Variants in DNAJC6 observed in about 807,000 individuals in gnomAD.
DNAJC6 encodes auxilin.
In DNAJC6, 34 loss-of-function variants were observed where a neutral mutation model predicts 110.0. That is an observed-to-expected ratio of 0.31 (90% CI 0.24 to 0.41). The LOEUF is 0.41. DNAJC6 is among the 10% of genes least tolerant of loss of function. The pLI is 1.00. For synonymous variants in DNAJC6, 406 were observed against 437.2 expected, an observed-to-expected ratio of 0.93 and a Z score of 0.89; for missense variants, 1,031 against 1,207.8, an observed-to-expected ratio of 0.85 and a Z score of 2.17.
At chr1:65,393,622 A>G (rs990656029) in intron 12 of DNAJC6, among the ~76,000 whole-genome samples, 3 of 152,180 alleles carry the variant, frequency 2.0e-5, no homozygotes, top group African/African-American at 4.8e-5. Context: ...ACCTTCTACT[A>G]TGAGTCATCT....
intron 1 of DNAJC6, among the ~76,000 whole-genome samples, chr1:65,318,905 C>G (rs1645171962): frequency 6.6e-6 from 1 of 152,064 alleles, no homozygotes; most frequent in African/African-American, 2.4e-5. Context: ...TTCCTGGGCC[C>G]CAAGCATGTT....
chr1:65,304,576 C>A (rs185485126), upstream of DNAJC6, among the ~76,000 whole-genome samples: 219 of 152,334 alleles, frequency 1.4e-3, 1 homozygote, highest in Admixed American at 8.1e-3. Flanking sequence ...TGTAATTCCA[C>A]ATCTTCGATT....
chr1:65,337,830 G>A (rs1307992575), intron 1 of DNAJC6, among the ~76,000 whole-genome samples: 1 of 152,110 alleles, frequency 6.6e-6, no homozygotes, highest in African/African-American at 2.4e-5. Flanking sequence ...TGGTATCCTT[G>A]AAGGGCCCTG....
intron 1 of DNAJC6, among the ~76,000 whole-genome samples, chr1:65,347,045 T>A (rs1353826848): frequency 1.3e-5 from 2 of 152,052 alleles, no homozygotes; most frequent in African/African-American, 4.8e-5. Context: ...CAACTAATAA[T>A]TATAATGCAG....
chr1:65,365,591 A>T, intron 2 of DNAJC6, among the ~76,000 whole-genome samples: 1 of 152,156 alleles, frequency 6.6e-6, no homozygotes, highest in Non-Finnish European at 1.5e-5. Flanking sequence ...AGAAGCTAGA[A>T]CAATTGGTGT....
chr1:65,372,930 C>T (rs1645721648), intron 4 of DNAJC6, among the ~76,000 whole-genome samples: 1 of 152,032 alleles, frequency 6.6e-6, no homozygotes, highest in Non-Finnish European at 1.5e-5. Flanking sequence ...AGTTTAATTA[C>T]ATTTATATTA....
chr1:65,289,196 A>G (rs61779316), intron 1 of DNAJC6, among the ~76,000 whole-genome samples: 1 of 151,882 alleles, frequency 6.6e-6, no homozygotes, highest in Non-Finnish European at 1.5e-5. Flanking sequence ...TCAGTCATTT[A>G]AATTTTTTTT....
chr1:65,361,512 C>T (rs573204004), intron 1 of DNAJC6, among the ~76,000 whole-genome samples: 10 of 152,246 alleles, frequency 6.6e-5, no homozygotes, highest in African/African-American at 2.2e-4. Flanking sequence ...ATTGAAAGAA[C>T]AGCCACCTGG....
intron 1 of DNAJC6, among the ~76,000 whole-genome samples, chr1:65,278,527 A>G (rs1302733403): frequency 6.6e-6 from 1 of 152,220 alleles, no homozygotes. Context: ...GGATGCCAGA[A>G]ATAGTCTGTT....
At chr1:65,384,073 G>A (rs1645847620) in intron 5 of DNAJC6, 120 bp from the exon 6 acceptor site, 1 of 1,226,706 alleles carries the variant, frequency 8.2e-7, no homozygotes, top group Non-Finnish European at 1.1e-6. Flanking sequence ...TAAATGAAAA[G>A]CACCCACAGT....
chr1:65,287,218 A>G (rs1203229901), intron 1 of DNAJC6, among the ~76,000 whole-genome samples: 1 of 152,240 alleles, frequency 6.6e-6, no homozygotes, highest in Non-Finnish European at 1.5e-5. Flanking sequence ...GTGGTGGTAT[A>G]TTTGTGGGAA....
chr1:65,415,083 C>T lies in DNAJC6; in HGVS notation c.*2058C>T, dbSNP rs1341173137. ...TATAATTCTGGACCCCTATTTATCT[C>T]AAAACTCTTAATATATGCAGACCAA... On this transcript the variant is annotated 3_prime_UTR_variant, in exon 19 of 19. Transcript: ENST00000371069. 2.0e-5 allele frequency: 3 copies of T among 152,284 alleles called. No individual in the cohort carries two copies. The highest frequency in any genetic ancestry group is 2.1e-4 in the South Asian group (1 of 4,822). 9.4% of individuals were successfully genotyped at this position (152,284 alleles called of 1,614,324 possible).
At chr1:65,379,297 G>C (rs941644899) in intron 4 of DNAJC6, 105 bp from the exon 5 acceptor site, 2 of 1,408,204 alleles carry the variant, frequency 1.4e-6, no homozygotes, top group Non-Finnish European at 1.9e-6. Flanking sequence ...TCTATATTAA[G>C]AGAGGATGTG....
At chr1:65,300,287 C>A (rs1570241300) in intron 1 of DNAJC6, among the ~76,000 whole-genome samples, 1 of 152,036 alleles carries the variant, frequency 6.6e-6, no homozygotes, top group East Asian at 1.9e-4. Context: ...TGTCTTCCAC[C>A]CTCAAGGTTA....
At chr1:65,375,800 T>A (rs576690641) in intron 4 of DNAJC6, among the ~76,000 whole-genome samples, 1 of 152,362 alleles carries the variant, frequency 6.6e-6, no homozygotes. Context: ...AAGTATTTGG[T>A]TGAGGATTTT....
intron 1 of DNAJC6, among the ~76,000 whole-genome samples, chr1:65,297,082 A>G (rs1231999598): frequency 6.6e-6 from 1 of 152,194 alleles, no homozygotes; most frequent in Non-Finnish European, 1.5e-5. Context: ...AATGATATCA[A>G]ACGTGGTTTT....
At chr1:65,387,050 C>A (rs149344382) in intron 8 of DNAJC6, 121 bp downstream of exon 8, 2 of 848,338 alleles carry the variant, frequency 2.4e-6, no homozygotes. Context: ...TGAAAAAGAG[C>A]GTTTAAAGAT....
intron 1 of DNAJC6, chr1:65,345,653 C>A: frequency 1.0e-6 from 1 of 965,634 alleles, no homozygotes; most frequent in Non-Finnish European, 1.2e-6. Flanking sequence ...AAAAGTAACA[C>A]GTGGAGAGTC....
intron 1 of DNAJC6, among the ~76,000 whole-genome samples, chr1:65,344,748 T>C (rs945773205): frequency 2.6e-5 from 4 of 152,144 alleles, no homozygotes; most frequent in Admixed American, 2.0e-4. Context: ...TCAGGATTAT[T>C]GGAGCATAAT....
Sources: allele counts gnomAD v4.1 joint callset (sites outside exome capture counted in the v4.1 genomes callset), GRCh38; gene constraint gnomAD v4.1.1; transcripts MANE v1.5; gene names NCBI Gene and HGNC (gene_info 2026-07-23, HGNC 2026-07-21).